Variants in SCAF8 observed in about 807,000 individuals in gnomAD.
SCAF8 encodes the protein SR-related CTD associated factor 8.
In SCAF8, 23 loss-of-function variants were observed where a neutral mutation model predicts 140.5. The ratio of observed to expected loss-of-function variants is 0.16; its 90% CI spans 0.12 to 0.23. The LOEUF is 0.23. SCAF8 is among the 10% of genes least tolerant of loss of function. The pLI, the probability that SCAF8 is intolerant of heterozygous loss-of-function variation, is 1.00. For synonymous variants in SCAF8, 575 were observed against 528.9 expected, an observed-to-expected ratio of 1.09 and a Z score of -1.20; for missense variants, 1,397 against 1,555.7, an observed-to-expected ratio of 0.90 and a Z score of 1.72.
intron 10 of SCAF8, 138 bp downstream of exon 10, chr6:154,808,339 C>A: frequency 2.3e-6 from 2 of 873,996 alleles, no homozygotes; most frequent in Non-Finnish European, 3.5e-6. Flanking sequence ...CCTATTAGGC[C>A]AAGCTTGTCC....
chr6:154,759,416 C>G (rs879911510), intron 1 of SCAF8, among the ~76,000 whole-genome samples: 1 of 152,036 alleles, frequency 6.6e-6, no homozygotes, highest in Non-Finnish European at 1.5e-5. Context: ...AAAAATAGAT[C>G]TCTTCTTTTT....
chr6:154,736,130 CGTTTT>C (rs896121387), intron 1 of SCAF8, among the ~76,000 whole-genome samples: 1 of 151,630 alleles, frequency 6.6e-6, no homozygotes, highest in African/African-American at 2.4e-5. Flanking sequence ...TGGGGGATTT[CGTTTT>C]GTTTTGTTTT....
At chr6:154,794,775 TGG>T (rs1562449798) in intron 5 of SCAF8, among the ~76,000 whole-genome samples, 173 of 6,672 alleles carry the variant, frequency 0.026, 1 homozygote, top group South Asian at 0.049. Context: ...GGGGGGGGTG[TGG>T]GGGGTGTGTG....
At chr6:154,774,203 A>C (rs575736529) in intron 2 of SCAF8, 131 bp downstream of exon 2, 1 of 650,536 alleles carries the variant, frequency 1.5e-6, no homozygotes. Context: ...GTGGAAAAAC[A>C]CAAAAAAGAA....
intron 16 of SCAF8, among the ~76,000 whole-genome samples, chr6:154,823,440 G>A (rs1162358076): frequency 1.3e-5 from 2 of 152,184 alleles, no homozygotes; most frequent in African/African-American, 4.8e-5. Flanking sequence ...AGTGTCTATT[G>A]CACTGGAGGT....
intron 12 of SCAF8, among the ~76,000 whole-genome samples, chr6:154,811,208 C>T (rs1304332044): frequency 6.6e-6 from 1 of 152,090 alleles, no homozygotes; most frequent in Non-Finnish European, 1.5e-5. Context: ...TTAGTGCTGG[C>T]TGATAAAAGA....
chr6:154,789,747 G>T (rs571799605), intron 4 of SCAF8, among the ~76,000 whole-genome samples: 1 of 151,622 alleles, frequency 6.6e-6, no homozygotes, highest in South Asian at 2.1e-4. Context: ...GGGTTTCACC[G>T]TGTTAGCCAG....
chr6:154,787,817 A>C, intron 3 of SCAF8, 44 bp from the exon 4 acceptor site: 1 of 1,535,226 alleles, frequency 6.5e-7, no homozygotes, highest in Non-Finnish European at 8.9e-7. Flanking sequence ...CAAGAATTTT[A>C]CCTTTCCGTT....
At chr6:154,733,401 C>G (rs1778309099), upstream of SCAF8, 5 of 1,384,754 alleles carry the variant, frequency 3.6e-6, no homozygotes, top group Non-Finnish European at 3.7e-6. Context: ...CTGCGCGGCC[C>G]GACTCGAGTC....
chr6:154,750,462 C>G (rs1006729137), intron 1 of SCAF8, among the ~76,000 whole-genome samples: 3 of 152,104 alleles, frequency 2.0e-5, no homozygotes, highest in African/African-American at 4.8e-5. Flanking sequence ...CTCCCTCCCT[C>G]CCTTTCCCCC....
intron 1 of SCAF8, among the ~76,000 whole-genome samples, chr6:154,768,926 G>T (rs1776657817): frequency 6.6e-6 from 1 of 152,042 alleles, no homozygotes; most frequent in East Asian, 1.9e-4. Flanking sequence ...AGCCCAGTGT[G>T]GTGGTGTGCA....
At chr6:154,793,456 T>G (rs1000839075) in intron 5 of SCAF8, among the ~76,000 whole-genome samples, 1 of 151,636 alleles carries the variant, frequency 6.6e-6, no homozygotes, top group Non-Finnish European at 1.5e-5. Context: ...TATGAAAAAA[T>G]TTTTTTCATA....
intron 6 of SCAF8, among the ~76,000 whole-genome samples, chr6:154,796,933 T>C (rs928878739): frequency 3.3e-5 from 5 of 151,826 alleles, no homozygotes; most frequent in African/African-American, 1.2e-4. Flanking sequence ...GATCATGCCA[T>C]TGCACTGTAG....
intron 18 of SCAF8, among the ~76,000 whole-genome samples, chr6:154,830,105 A>G (rs971075258): frequency 1.3e-5 from 2 of 152,202 alleles, no homozygotes; most frequent in South Asian, 2.1e-4. Flanking sequence ...ATTAATGGAA[A>G]AAGAGAAATA....
chr6:154,744,778 A>C (rs1778655815), intron 1 of SCAF8, among the ~76,000 whole-genome samples: 1 of 152,186 alleles, frequency 6.6e-6, no homozygotes, highest in Non-Finnish European at 1.5e-5. Flanking sequence ...CTTCATAGAA[A>C]AATAGTAAGA....
chr6:154,833,386 G>C lies in SCAF8; in HGVS notation c.3807G>C (p.Glu1269Asp), dbSNP rs1778810619. ...SEPVVESTET[E>D]GT Reference sequence around the variant, plus strand: ...CAGTGGTAGAAAGCACAGAAACTGAGGGGACATAATCATCACTCAGTAGGT... The same window carrying C: ...CAGTGGTAGAAAGCACAGAAACTGACGGGACATAATCATCACTCAGTAGGT... Residue 1269 changes from glutamate (E) to aspartate (D), a missense_variant, in exon 20 of 20, where the codon GAG (glutamate) becomes GAC (aspartate). By Grantham distance (45) the Glu-to-Asp change is conservative (BLOSUM62 2). Transcript: ENST00000367178. 6.2e-7 allele frequency: 1 copy of C among 1,612,844 alleles called. No homozygotes were observed.
chr6:154,828,420 TTCA>T (rs1401524719), intron 18 of SCAF8, among the ~76,000 whole-genome samples: 1 of 152,134 alleles, frequency 6.6e-6, no homozygotes, highest in Non-Finnish European at 1.5e-5. Flanking sequence ...CTCATTTCTC[TTCA>T]TCTTCTCCTC....
chr6:154,778,178 C>A, intron 3 of SCAF8, 133 bp downstream of exon 3: 1 of 559,890 alleles, frequency 1.8e-6, no homozygotes, highest in South Asian at 2.3e-5. Context: ...TTTTATTTTC[C>A]AATTAAGAAA....
intron 3 of SCAF8, among the ~76,000 whole-genome samples, chr6:154,787,291 G>A (rs1465349000): frequency 1.3e-5 from 2 of 152,204 alleles, no homozygotes; most frequent in African/African-American, 2.4e-5. Context: ...CTGAGAGGTC[G>A]GGGTTGTAGT....
Sources: allele counts gnomAD v4.1 joint callset (sites outside exome capture counted in the v4.1 genomes callset), GRCh38; gene constraint gnomAD v4.1.1; transcripts MANE v1.5; gene names NCBI Gene and HGNC (gene_info 2026-07-23, HGNC 2026-07-21).